Variants in GRB10 observed in about 807,000 individuals in gnomAD.
The protein encoded by GRB10 is growth factor receptor-bound protein 10.
A neutral mutation model predicts 80.9 loss-of-function variants in GRB10; 20 were observed. That is an observed-to-expected ratio of 0.25 (90% confidence interval 0.17 to 0.36). GRB10 has a LOEUF of 0.36. Ranked by LOEUF, GRB10 falls within the 10% of genes least tolerant of loss-of-function variation. The pLI is 1.00. For missense variants in GRB10, 548 were observed against 747.7 expected, an observed-to-expected ratio of 0.73 and a Z score of 3.12; for synonymous variants, 291 against 291.5, an observed-to-expected ratio of 1.00 and a Z score of 0.02.
At chr7:50,792,963 G>C (rs528098611) in intron 1 of GRB10, 1 of 141,900 alleles carries the variant, frequency 7.0e-6, no homozygotes, top group Non-Finnish European at 1.6e-5. Context: ...CGGGGCGCCC[G>C]GCTGCCTCCG....
rs1201974911 is a variant in GRB10 at position 50,703,802 on chromosome 7, T to C, written c.139+19A>G. On this transcript the variant is annotated intron_variant, in intron 5 of 18. Coordinates refer to ENST00000401949, the MANE Select transcript of GRB10 (RefSeq NM_001350814.2). ...AAAGCTAGAACTGGGAGTGTTCTTGTGTTTTGCTCATTCCTTACCCTGGTG... is the reference window on the plus strand; with the variant it reads ...AAAGCTAGAACTGGGAGTGTTCTTGCGTTTTGCTCATTCCTTACCCTGGTG... The C allele has an allele frequency of 1.3e-6, 2 of 1,581,236 alleles. No individual in the cohort carries two copies. Among genetic ancestry groups the C allele is most frequent in the African/African-American group, 2.7e-5 (2 of 74,250 alleles).
intron 2 of GRB10, among the ~76,000 whole-genome samples, chr7:50,763,389 C>T (rs1438943441): frequency 6.6e-6 from 1 of 152,174 alleles, no homozygotes; most frequent in East Asian, 1.9e-4. Flanking sequence ...GATGGCTGAA[C>T]AGCAACAGGG....
At chr7:50,791,121 A>G (rs1347172429) in intron 1 of GRB10, among the ~76,000 whole-genome samples, 2 of 152,196 alleles carry the variant, frequency 1.3e-5, no homozygotes, top group African/African-American at 4.8e-5. Flanking sequence ...GCTGCCCCAA[A>G]AGTGACCAAA....
intron 5 of GRB10, among the ~76,000 whole-genome samples, chr7:50,679,265 T>C (rs2061299730): frequency 6.6e-6 from 1 of 152,182 alleles, no homozygotes; most frequent in Non-Finnish European, 1.5e-5. Context: ...AAAATAGATA[T>C]AAACTCAGCG....
At chr7:50,636,794 G>A (rs963017540) in intron 7 of GRB10, among the ~76,000 whole-genome samples, 7 of 152,156 alleles carry the variant, frequency 4.6e-5, no homozygotes, top group Non-Finnish European at 8.8e-5. Flanking sequence ...GGGAAGAGTT[G>A]AAAGCATTTC....
At chr7:50,650,826 T>C (rs932790811) in intron 7 of GRB10, among the ~76,000 whole-genome samples, 1 of 151,882 alleles carries the variant, frequency 6.6e-6, no homozygotes, top group African/African-American at 2.4e-5. Flanking sequence ...AGTGAATAAA[T>C]TGGGAGTAGG....
chr7:50,650,039 G>C (rs962659596), intron 7 of GRB10, among the ~76,000 whole-genome samples: 18 of 152,118 alleles, frequency 1.2e-4, no homozygotes, highest in African/African-American at 4.3e-4. Context: ...TCAGAGAGAA[G>C]ACCACTAGAG....
At chr7:50,625,508 A>G (rs1186931599) in intron 8 of GRB10, among the ~76,000 whole-genome samples, 2 of 152,174 alleles carry the variant, frequency 1.3e-5, no homozygotes. Context: ...CAGCCTTATC[A>G]GACCACTGTA....
intron 7 of GRB10, among the ~76,000 whole-genome samples, chr7:50,648,013 T>C (rs564419865): frequency 6.6e-6 from 1 of 152,270 alleles, no homozygotes; most frequent in African/African-American, 2.4e-5. Flanking sequence ...GGAGGTGCCA[T>C]GTTGGCAGCT....
intron 2 of GRB10, among the ~76,000 whole-genome samples, chr7:50,757,933 C>T (rs1437157888): frequency 1.3e-5 from 2 of 152,222 alleles, no homozygotes; most frequent in Non-Finnish European, 2.9e-5. Context: ...TGCTTTTTCT[C>T]ATGGGCACGA....
At chr7:50,785,842 T>G (rs941825309), upstream of GRB10, among the ~76,000 whole-genome samples, 9 of 152,204 alleles carry the variant, frequency 5.9e-5, no homozygotes, top group African/African-American at 1.9e-4. Flanking sequence ...CAAAAAGTTT[T>G]TAAAAATTAA....
chr7:50,732,386 T>G lies in GRB10; in HGVS notation c.-46-18A>C. 6.9e-7 allele frequency: 1 copy of G among 1,446,850 alleles called. No homozygotes were observed. The highest frequency in any genetic ancestry group is 9.7e-7 in the Non-Finnish European group (1 of 1,030,190). The allele number at this position is 1,446,850 out of a possible 1,614,324, so 89.6% of individuals were successfully genotyped here. ...TGCAGCACCTGGAATAAAGACAGACTGTGAGAAGCCAAGCCAGAAAAAAAA... is the reference window on the plus strand; with the variant it reads ...TGCAGCACCTGGAATAAAGACAGACGGTGAGAAGCCAAGCCAGAAAAAAAA... On this transcript the variant is annotated intron_variant, in intron 3 of 18. Coordinates refer to ENST00000401949, the MANE Select transcript of GRB10 (RefSeq NM_001350814.2).
chr7:50,625,531 G>A (rs1054062152), intron 8 of GRB10, among the ~76,000 whole-genome samples: 5 of 152,190 alleles, frequency 3.3e-5, no homozygotes, highest in Non-Finnish European at 7.4e-5. Context: ...ATCCACTCAT[G>A]GACGTCCCAA....
At chr7:50,733,563 A>G (rs1186560138) in intron 3 of GRB10, among the ~76,000 whole-genome samples, 1 of 152,246 alleles carries the variant, frequency 6.6e-6, no homozygotes, top group Non-Finnish European at 1.5e-5. Flanking sequence ...GAAGCAGTCA[A>G]TAGCAGTGGA....
intron 5 of GRB10, among the ~76,000 whole-genome samples, chr7:50,686,365 G>A (rs907834759): frequency 2.6e-5 from 4 of 152,146 alleles, no homozygotes; most frequent in Non-Finnish European, 5.9e-5. Context: ...TCCAAAGCTG[G>A]GAGAAATAAA....
At chr7:50,727,750 T>G (rs1211798281) in intron 4 of GRB10, 1 of 152,054 alleles carries the variant, frequency 6.6e-6, no homozygotes, top group Non-Finnish European at 1.5e-5. Flanking sequence ...AAACTTACAT[T>G]CTTAAAAATA....
At chr7:50,615,369 C>T (rs543568402) in intron 11 of GRB10, among the ~76,000 whole-genome samples, 3 of 152,314 alleles carry the variant, frequency 2.0e-5, no homozygotes, top group East Asian at 3.9e-4. Context: ...TCAGCACACA[C>T]GAGGACAGTG....
At chr7:50,779,282 C>T (rs1396300197) in intron 2 of GRB10, 1 of 152,158 alleles carries the variant, frequency 6.6e-6, no homozygotes, top group Non-Finnish European at 1.5e-5. Flanking sequence ...AAACCCAAAA[C>T]CTCAGGTCCC....
chr7:50,749,342 T>G (rs1047254567), intron 3 of GRB10, among the ~76,000 whole-genome samples: 1 of 152,134 alleles, frequency 6.6e-6, no homozygotes. Context: ...TTGGCCAGGC[T>G]GATCTCGAAC....
Sources: allele counts gnomAD v4.1 joint callset (sites outside exome capture counted in the v4.1 genomes callset), GRCh38; gene constraint gnomAD v4.1.1; transcripts MANE v1.5; gene names NCBI Gene and HGNC (gene_info 2026-07-23, HGNC 2026-07-21).